The following MEIOSIN variants were observed in gnomAD, a reference collection of about 807,000 sequenced individuals.
MEIOSIN encodes meiosis initiator protein.
Under a neutral mutation model 23.4 loss-of-function variants are expected in MEIOSIN, and 18 were observed. That is an observed-to-expected ratio of 0.77 (90% CI 0.53 to 1.14). The LOEUF (loss-of-function observed/expected upper bound fraction) is 1.14. Among genes scored for constraint, MEIOSIN ranks in the 50% most tolerant of loss-of-function variants. The pLI, the probability that MEIOSIN is intolerant of heterozygous loss-of-function variation, is 0.00. For synonymous variants in MEIOSIN, 187 were observed against 100.6 expected (o/e 1.86, Z -5.14); for missense variants, 428 against 242.9 (o/e 1.76, Z -5.07).
chr19:45,741,892 A>C (rs1968512516), intron 3 of MEIOSIN, among the ~76,000 whole-genome samples: 1 of 151,922 alleles, frequency 6.6e-6, no homozygotes, highest in Admixed American at 6.6e-5. Context: ...ATTTTTTGAG[A>C]CGGAGCTTTT....
intron 4 of MEIOSIN, among the ~76,000 whole-genome samples, chr19:45,746,369 C>T (rs1019762778): frequency 3.9e-5 from 6 of 152,196 alleles, no homozygotes; most frequent in African/African-American, 1.4e-4. Flanking sequence ...GGGCTGCCTG[C>T]ATTCCTTGAC....
At chr19:45,758,837 G>A (rs1393245183) in intron 9 of MEIOSIN, 41 bp from the exon 10 acceptor site, 1 of 696,806 alleles carries the variant, frequency 1.4e-6, no homozygotes, top group South Asian at 1.5e-5. Context: ...GGCAGAGGGT[G>A]ATCTCTGGCC....
intron 11 of MEIOSIN, among the ~76,000 whole-genome samples, chr19:45,760,540 G>A (rs1968918046): frequency 6.6e-6 from 1 of 151,730 alleles, no homozygotes; most frequent in African/African-American, 2.4e-5. Flanking sequence ...TGGGAGGCGG[G>A]GGTTGCAGTA....
Position 45,764,488 on chromosome 19 carries a change from G to T in MEIOSIN, c.*370G>T, listed in dbSNP as rs1161254121. Reference sequence around the variant, plus strand: ...TCCTCCCTCTCCTGTTCTATTTTTAGACTATTTATTGTTTTAAATAAAATA... The same window carrying T: ...TCCTCCCTCTCCTGTTCTATTTTTATACTATTTATTGTTTTAAATAAAATA... On this transcript the variant is annotated 3_prime_UTR_variant, in exon 15 of 15. Transcript: ENST00000457052. The T allele has an allele frequency of 1.0e-5, 2 of 194,086 alleles. No individual in the cohort carries two copies. The highest frequency in any genetic ancestry group is 2.1e-5 in the Non-Finnish European group (2 of 96,656). 12.0% of individuals were successfully genotyped at this position (194,086 alleles called of 1,614,324 possible).
intron 11 of MEIOSIN, among the ~76,000 whole-genome samples, chr19:45,760,008 C>T (rs988393100): frequency 6.6e-6 from 1 of 150,572 alleles, no homozygotes; most frequent in African/African-American, 2.4e-5. Context: ...ACCATGTTGG[C>T]CAGGCTGGTC....
intron 3 of MEIOSIN, among the ~76,000 whole-genome samples, chr19:45,743,814 G>C (rs1231486703): frequency 6.6e-6 from 1 of 151,800 alleles, no homozygotes; most frequent in Non-Finnish European, 1.5e-5. Context: ...GAGCCACCAT[G>C]CCCAGCCAAC....
intron 11 of MEIOSIN, among the ~76,000 whole-genome samples, chr19:45,760,757 C>T (rs975394951): frequency 6.6e-6 from 1 of 151,092 alleles, no homozygotes; most frequent in South Asian, 2.1e-4. Flanking sequence ...GATGAAACCC[C>T]CTCTCTACTA....
At chr19:45,744,567 G>A (rs1239530057) in intron 3 of MEIOSIN, among the ~76,000 whole-genome samples, 1 of 151,264 alleles carries the variant, frequency 6.6e-6, no homozygotes, top group Non-Finnish European at 1.5e-5. Context: ...GATTACAGGC[G>A]CCTACCACCA....
In MEIOSIN at chr19:45,762,049, C is replaced by A; in HGVS notation, c.1545C>A (p.Ala515=). ...ASPLLAAEKK[A]TKGQVARAPV... is the part of the protein sequence containing the mutation. ...CCCTGCTGGCAGCTGAGAAAAAGGC[C>A]ACGAAGGGCCAAGTAGCCAGGGCCC... The change falls in exon 13 of 15, where the codon GCC becomes GCA. Residue 515 remains alanine (A), a synonymous_variant. Coordinates refer to ENST00000457052, the MANE Select transcript of MEIOSIN (RefSeq NM_001310124.2). The A allele has an allele frequency of 2.1e-6, 1 of 485,520 alleles. No individual in the cohort carries two copies. The allele number at this position is 485,520 out of a possible 1,614,324, so 30.1% of individuals were successfully genotyped here.
intron 1 of MEIOSIN, 31 bp from the exon 2 acceptor site, chr19:45,735,346 G>A (rs1968391756): frequency 4.3e-6 from 3 of 701,988 alleles, no homozygotes; most frequent in Non-Finnish European, 7.8e-6. Context: ...AATCCCAGAG[G>A]TCACTAATCA....
intron 4 of MEIOSIN, among the ~76,000 whole-genome samples, chr19:45,749,570 G>T (rs988781991): frequency 1.3e-5 from 2 of 148,456 alleles, no homozygotes; most frequent in Admixed American, 6.8e-5. Context: ...CCAGCTACTC[G>T]CTGAGGCAGG....
chr19:45,741,959 T>G (rs1031635755), intron 3 of MEIOSIN, among the ~76,000 whole-genome samples: 6 of 151,706 alleles, frequency 4.0e-5, no homozygotes, highest in African/African-American at 1.4e-4. Context: ...CACTGCAACC[T>G]CCACCTCCTG....
chr19:45,751,605 G>C (rs1968710907), intron 5 of MEIOSIN, among the ~76,000 whole-genome samples: 1 of 151,724 alleles, frequency 6.6e-6, no homozygotes, highest in Non-Finnish European at 1.5e-5. Flanking sequence ...CGTGATCTCT[G>C]CTCACTGCGA....
intron 3 of MEIOSIN, among the ~76,000 whole-genome samples, chr19:45,741,139 G>GGA (rs1968497791): frequency 6.6e-6 from 1 of 152,086 alleles, no homozygotes; most frequent in African/African-American, 2.4e-5. Context: ...CACGAGGTCA[G>GGA]GAGTTCGAGA....
chr19:45,738,619 G>GA (rs991409682), intron 2 of MEIOSIN, among the ~76,000 whole-genome samples: 7 of 151,916 alleles, frequency 4.6e-5, no homozygotes, highest in Non-Finnish European at 8.8e-5. Flanking sequence ...TCTAAAAAAA[G>GA]AAAAAAAAGC....
intron 11 of MEIOSIN, 33 bp from the exon 12 acceptor site, chr19:45,761,646 C>G: frequency 1.4e-6 from 1 of 692,246 alleles, no homozygotes; most frequent in Non-Finnish European, 2.6e-6. Flanking sequence ...CCACTTGTCT[C>G]CCCTCCCATC....
In MEIOSIN at chr19:45,746,849, A is replaced by C. The variant is rs368144936; in HGVS notation, c.306+1528A>C. Among the ~76,000 whole-genome samples, 146 of 151,998 alleles carry C rather than the reference A, an allele frequency of 9.6e-4. 1 individual carries two copies. Among genetic ancestry groups the C allele is most frequent in the African/African-American group, 3.5e-3 (144 of 41,450 alleles). On this transcript the variant is annotated intron_variant, in intron 4 of 14. Coordinates refer to ENST00000457052, the MANE Select transcript of MEIOSIN (RefSeq NM_001310124.2). ...AGAAAAAAAAAAAAAAAGATCCTTA[A>C]CTCAATCATATCTGCAAAGTCCTTT...
chr19:45,759,165 G>C (rs1011341334), intron 10 of MEIOSIN, 132 bp downstream of exon 10: 4 of 640,922 alleles, frequency 6.2e-6, no homozygotes, highest in East Asian at 2.7e-5. Flanking sequence ...ACGGCCTAGT[G>C]GGGGAGCAGC....
rs539153305 is a variant in MEIOSIN at position 45,739,908 on chromosome 19, C to T, written c.176+178C>T. On this transcript the variant is annotated intron_variant, in intron 3 of 14. Coordinates refer to ENST00000457052, the MANE Select transcript of MEIOSIN (RefSeq NM_001310124.2). ...TGTTGCCCAAGCTGGAGTGCAGTGG[C>T]GCAATCTCGGCTCACTGTAACCTCT... Among the ~76,000 whole-genome samples, 6 of 151,880 alleles carry T rather than the reference C, an allele frequency of 4.0e-5. No homozygotes were observed. In the East Asian group the frequency reaches 5.8e-4, roughly 15 times the overall value.
Sources: gnomAD v4.1 joint callset for allele counts (sites outside exome capture counted in the v4.1 genomes callset) on GRCh38, gnomAD v4.1.1 for gene constraint, MANE v1.5 for transcripts, NCBI Gene and HGNC (gene_info 2026-07-23, HGNC 2026-07-21) for gene names.